The following MCTP1 variants were observed in gnomAD, a reference collection of about 807,000 sequenced individuals.
MCTP1 encodes the protein multiple C2 and transmembrane domain-containing protein 1.
A neutral mutation model predicts 120.6 loss-of-function variants in MCTP1; 69 were observed. The observed-to-expected ratio is 0.57, with a 90% CI of 0.47 to 0.70. The LOEUF (loss-of-function observed/expected upper bound fraction) is 0.70, where lower values mean the gene tolerates loss of function less well. Ranked by LOEUF, MCTP1 falls within the 30% of genes least tolerant of loss-of-function variation. The probability of loss-of-function intolerance (pLI) is 0.00; values close to 1 mark genes in which losing one functional copy is unlikely to be tolerated. For synonymous variants in MCTP1, 529 were observed against 493.1 expected (o/e 1.07, Z -0.96); for missense variants, 1,203 against 1,248.8 (o/e 0.96, Z 0.55).
chr5:95,095,005 G>GTTTTTTTTT (rs1562138448), intron 1 of MCTP1, among the ~76,000 whole-genome samples: 13 of 79,552 alleles, frequency 1.6e-4, no homozygotes, highest in African/African-American at 6.5e-4. Flanking sequence ...TGTTATGTTA[G>GTTTTTTTTT]ATTTTTTTTT....
At chr5:94,718,044 C>T (rs1759929392) in intron 19 of MCTP1, among the ~76,000 whole-genome samples, 1 of 152,094 alleles carries the variant, frequency 6.6e-6, no homozygotes, top group Admixed American at 6.5e-5. Flanking sequence ...AAAAAAGAGC[C>T]CGTATAGCTA....
At chr5:94,859,495 T>C (rs527846436) in intron 17 of MCTP1, among the ~76,000 whole-genome samples, 1 of 151,788 alleles carries the variant, frequency 6.6e-6, no homozygotes, top group Non-Finnish European at 1.5e-5. Context: ...GTGCTGCTTA[T>C]GCTAATTACT....
chr5:94,830,766 G>A (rs1206276661), intron 17 of MCTP1, among the ~76,000 whole-genome samples: 3 of 152,140 alleles, frequency 2.0e-5, no homozygotes, highest in Admixed American at 6.5e-5. Context: ...TCTTCCTCTT[G>A]ACAGAGATTT....
chr5:95,200,659 G>C (rs568847905), intron 1 of MCTP1, among the ~76,000 whole-genome samples: 1 of 152,340 alleles, frequency 6.6e-6, no homozygotes, highest in South Asian at 2.1e-4. Context: ...TGAACTCATG[G>C]ATTAGGGAGA....
At chr5:95,149,739 G>T (rs775530495) in intron 1 of MCTP1, among the ~76,000 whole-genome samples, 1 of 152,214 alleles carries the variant, frequency 6.6e-6, no homozygotes, top group Non-Finnish European at 1.5e-5. Context: ...TCCAAGGACT[G>T]TTGGGCTCCC....
At chr5:94,761,306 C>T (rs966396295) in intron 19 of MCTP1, among the ~76,000 whole-genome samples, 7 of 152,184 alleles carry the variant, frequency 4.6e-5, no homozygotes, top group Non-Finnish European at 1.0e-4. Context: ...CTTTGCAACT[C>T]CTTCCTGCTT....
intron 3 of MCTP1, among the ~76,000 whole-genome samples, chr5:94,944,926 C>T (rs1348007669): frequency 4.6e-5 from 7 of 152,096 alleles, no homozygotes; most frequent in African/African-American, 9.7e-5. Flanking sequence ...ACAGTTCATG[C>T]TTATTAATGT....
intron 1 of MCTP1, among the ~76,000 whole-genome samples, chr5:95,105,154 A>G (rs1756995649): frequency 6.6e-6 from 1 of 152,216 alleles, no homozygotes. Flanking sequence ...GCTCTGAGCC[A>G]GTTAGTAAAC....
intron 2 of MCTP1, among the ~76,000 whole-genome samples, chr5:94,986,840 A>T (rs1830509200): frequency 6.6e-6 from 1 of 151,972 alleles, no homozygotes; most frequent in Non-Finnish European, 1.5e-5. Flanking sequence ...TATTTTTATT[A>T]AAATGGTTAA....
intron 19 of MCTP1, among the ~76,000 whole-genome samples, chr5:94,743,901 A>G (rs542293356): frequency 6.6e-6 from 1 of 151,954 alleles, no homozygotes; most frequent in Non-Finnish European, 1.5e-5. Context: ...GGTCTCCCAA[A>G]GTGCTAGGAT....
chr5:95,119,957 G>A (rs1758085417), intron 1 of MCTP1, among the ~76,000 whole-genome samples: 1 of 151,968 alleles, frequency 6.6e-6, no homozygotes, highest in Non-Finnish European at 1.5e-5. Flanking sequence ...CAGATCACGA[G>A]GTCAGGAGAT....
At chr5:94,916,407 A>G (rs975072374) in intron 8 of MCTP1, among the ~76,000 whole-genome samples, 5 of 152,188 alleles carry the variant, frequency 3.3e-5, no homozygotes, top group African/African-American at 1.2e-4. Flanking sequence ...CAGGTGTACT[A>G]ACAACACTTT....
intron 18 of MCTP1, among the ~76,000 whole-genome samples, chr5:94,781,806 G>T (rs1428931370): frequency 6.6e-6 from 1 of 152,136 alleles, no homozygotes; most frequent in African/African-American, 2.4e-5. Context: ...ACGCACAATT[G>T]CTCCACAAAT....
rs74352103 is a variant in MCTP1, at chr5:95,152,775, G to A, written c.720+131081C>T. The stretch of plus-strand genomic sequence containing the variant: ...TAATCAGATACAGGAACAAACATCA[G>A]CATATGCTTTATGTCTGCTTGGCTC... On this transcript the variant is annotated intron_variant, in intron 1 of 22. Coordinates refer to ENST00000515393, the MANE Select transcript of MCTP1 (RefSeq NM_024717.7). Among the ~76,000 whole-genome samples the A allele has an allele frequency of 1.3e-3, 204 of 152,290 alleles. 3 individuals are homozygous for A. The East Asian group carries it at 0.024, about 18-fold the overall frequency.
At chr5:94,791,413 TGAGTCTAG>T (rs1286425842) in intron 18 of MCTP1, among the ~76,000 whole-genome samples, 1 of 151,980 alleles carries the variant, frequency 6.6e-6, no homozygotes, top group Non-Finnish European at 1.5e-5. Flanking sequence ...GAAAACTGAT[TGAGTCTAG>T]GAGTTCGAGG....
chr5:94,765,708 G>GAA (rs70978128), intron 19 of MCTP1, among the ~76,000 whole-genome samples: 3,505 of 109,068 alleles, frequency 0.032, 73 homozygotes, highest in African/African-American at 0.068. Flanking sequence ...TCTCAAAAAA[G>GAA]AAAAAAAAAA....
chr5:94,803,080 T>C (rs1781537395), intron 17 of MCTP1, among the ~76,000 whole-genome samples: 1 of 152,202 alleles, frequency 6.6e-6, no homozygotes, highest in Non-Finnish European at 1.5e-5. Flanking sequence ...TCTCATGGAA[T>C]ACATGCCCAA....
chr5:94,757,720 A>G lies in MCTP1; in HGVS notation c.2610+21390T>C, dbSNP rs56982063. On this transcript the variant is annotated intron_variant, in intron 19 of 22. Coordinates refer to ENST00000515393, the MANE Select transcript of MCTP1 (RefSeq NM_024717.7). ...TAGCATAGTGCTTTGAACATTCCACATGCACACTGCTTGTTGCATGGATGG... is the reference window on the plus strand; with the variant it reads ...TAGCATAGTGCTTTGAACATTCCACGTGCACACTGCTTGTTGCATGGATGG... Among the ~76,000 whole-genome samples the G allele has an allele frequency of 9.9e-3, 1,515 of 152,326 alleles. 27 individuals carry two copies. The highest frequency in any genetic ancestry group is 0.034 in the African/African-American group (1,430 of 41,566).
intron 1 of MCTP1, among the ~76,000 whole-genome samples, chr5:95,076,962 T>C (rs1753736407): frequency 6.6e-6 from 1 of 152,206 alleles, no homozygotes; most frequent in South Asian, 2.1e-4. Flanking sequence ...CCCCGCCTTG[T>C]AAACTTGAAA....
Sources: allele counts gnomAD v4.1 joint callset (sites outside exome capture counted in the v4.1 genomes callset), GRCh38; gene constraint gnomAD v4.1.1; transcripts MANE v1.5; gene names NCBI Gene and HGNC (gene_info 2026-07-23, HGNC 2026-07-21).